The following KAT6B variants were observed in gnomAD, a reference collection of about 807,000 sequenced individuals.
KAT6B encodes histone acetyltransferase KAT6B.
In KAT6B, 10 loss-of-function variants were observed where a neutral mutation model predicts 187.5. That is an observed-to-expected ratio of 0.05 (90% CI 0.03 to 0.09). KAT6B has a LOEUF of 0.09. Ranked by LOEUF, KAT6B falls within the 10% of genes least tolerant of loss-of-function variation. The probability of loss-of-function intolerance (pLI) is 1.00; values close to 1 mark genes in which losing one functional copy is unlikely to be tolerated. For synonymous variants in KAT6B, 861 were observed against 926.8 expected (o/e 0.93, Z 1.29); for missense variants, 1,952 against 2,558.9 (o/e 0.76, Z 5.12).
At chr10:74,964,688 A>G (rs1361677081) in intron 4 of KAT6B, among the ~76,000 whole-genome samples, 1 of 152,128 alleles carries the variant, frequency 6.6e-6, no homozygotes, top group Non-Finnish European at 1.5e-5. Flanking sequence ...CCTCCACCCA[A>G]AACAACAGCC....
At position 74,843,139 on chromosome 10, in the gene KAT6B, G is replaced by T. The variant is rs569038847; in HGVS notation, c.282G>T (p.Gly94=). 6.2e-7 allele frequency: 1 copy of T among 1,614,222 alleles called. No individual in the cohort carries two copies. The highest frequency in any genetic ancestry group is 2.2e-5 in the East Asian group (1 of 44,888). Residue 94 remains glycine, a synonymous_variant, in exon 3 of 18, where the codon GGG becomes GGT. Transcript: ENST00000287239. ...KPGTFPKSAK[G]SRGSCNDLRN... ...GCACTTTTCCTAAGTCAGCCAAGGG[G>T]TCTAGAGGATCATGTAATGATCTCC...
chr10:74,871,415 A>T (rs1336516732), intron 3 of KAT6B, among the ~76,000 whole-genome samples: 1 of 150,606 alleles, frequency 6.6e-6, no homozygotes, highest in African/African-American at 2.4e-5. Context: ...CTGGTCTCGA[A>T]CTCCTGACCT....
intron 3 of KAT6B, among the ~76,000 whole-genome samples, chr10:74,916,044 TC>T (rs1207502377): frequency 6.6e-6 from 1 of 152,112 alleles, no homozygotes; most frequent in Non-Finnish European, 1.5e-5. Context: ...GCACCTGCAA[TC>T]CCAGCTACTC....
intron 3 of KAT6B, among the ~76,000 whole-genome samples, chr10:74,917,275 T>C (rs899943334): frequency 3.3e-5 from 5 of 152,316 alleles, no homozygotes; most frequent in African/African-American, 1.2e-4. Flanking sequence ...TAACCACTTA[T>C]ATAACCATAG....
intron 3 of KAT6B, among the ~76,000 whole-genome samples, chr10:74,852,099 A>G (rs1842518043): frequency 6.6e-6 from 1 of 152,166 alleles, no homozygotes; most frequent in Admixed American, 6.5e-5. Context: ...GCAACTCTGG[A>G]TCTTTTTTGG....
chr10:74,868,268 C>T (rs148524503), intron 3 of KAT6B, among the ~76,000 whole-genome samples: 3 of 152,222 alleles, frequency 2.0e-5, no homozygotes, highest in African/African-American at 7.2e-5. Context: ...GACGGTGTCC[C>T]TGTCTTGCCC....
Position 74,976,219 on chromosome 10 carries a change from A to C in KAT6B, c.1882A>C (p.Lys628Gln). The C allele has an allele frequency of 1.9e-6, 3 of 1,614,194 alleles. No homozygotes were observed. Among genetic ancestry groups the C allele is most frequent in the Non-Finnish European group, 2.5e-6 (3 of 1,180,040 alleles). The change falls in exon 8 of 18, where the codon AAG (lysine) becomes CAG (glutamine). Residue 628 changes from lysine to glutamine, a missense_variant. Physicochemically the swap from Lys to Gln is moderately conservative, Grantham distance 53 (BLOSUM62 1). Transcript: ENST00000287239. ...AHFKRTTFLKKHRMLGRLKYK... is the reference protein window; with the variant it reads ...AHFKRTTFLKQHRMLGRLKYK... The stretch of plus-strand genomic sequence containing the variant: ...CTTCAAGCGAACAACTTTCCTTAAA[A>C]AGCACAGGATGCTAGGCAGATTAAA...
intron 3 of KAT6B, among the ~76,000 whole-genome samples, chr10:74,877,710 A>G (rs1025435731): frequency 6.6e-6 from 1 of 152,236 alleles, no homozygotes; most frequent in African/African-American, 2.4e-5. Context: ...CTAAGGAGAA[A>G]AGAACAAGAT....
intron 3 of KAT6B, among the ~76,000 whole-genome samples, chr10:74,862,955 T>G (rs1183126500): frequency 2.0e-5 from 3 of 152,166 alleles, no homozygotes; most frequent in African/African-American, 7.2e-5. Flanking sequence ...AACGAAGACC[T>G]CCTCTCCTCT....
Position 75,022,108 on chromosome 10 carries a change from GGAGGAAGAAGAGGAA to G in KAT6B, c.3255_3269del (p.Glu1085_Glu1089del), listed in dbSNP as rs778628713. 1.2e-6 allele frequency: 2 copies of G among 1,609,946 alleles called. No homozygotes were observed. Among genetic ancestry groups the G allele is most frequent in the Non-Finnish European group, 1.7e-6 (2 of 1,177,952 alleles). ...AGGAGGACGAGGAGGAGGAAGAAGA[GGAGGAAGAAGAGGAA>G]GAGGATGAAGAGGAGGAAGAAGAGG... On this transcript the variant is annotated inframe_deletion, in exon 16 of 18. Coordinates refer to ENST00000287239, the MANE Select transcript of KAT6B (RefSeq NM_012330.4).
In KAT6B at chr10:75,030,791, C is replaced by T. The variant is rs373882553; in HGVS notation, c.5967C>T (p.Leu1989=). The T allele has an allele frequency of 9.9e-5, 160 of 1,614,112 alleles. No homozygotes were observed. The highest frequency in any genetic ancestry group is 1.3e-4 in the Non-Finnish European group (155 of 1,180,054). ...CTGTGAACATGAACATGAACACTCT[C>T]AACGCCATGAATGGGTACAGCATGT... ...VNSVNMNMNT[L]NAMNGYSMSQ... Residue 1989 remains leucine (L), a synonymous_variant, in exon 18 of 18, where the codon CTC becomes CTT. Transcript: ENST00000287239. This position sits in a 1 kb window ranked among gnomAD's most constrained non-coding sequence, Gnocchi z 4.8.
intron 9 of KAT6B, 59 bp from the exon 10 acceptor site, chr10:74,979,165 G>A: frequency 8.0e-7 from 1 of 1,255,846 alleles, no homozygotes; most frequent in Non-Finnish European, 1.1e-6. Flanking sequence ...ACTGGTGAAA[G>A]AACCAAAATG....
intron 7 of KAT6B, among the ~76,000 whole-genome samples, chr10:74,974,615 G>A (rs1842043228): frequency 6.6e-6 from 1 of 152,148 alleles, no homozygotes. Context: ...TCAACAGTAT[G>A]GGCAGAACCA....
At chr10:74,839,311 A>T (rs1156759195) in intron 2 of KAT6B, among the ~76,000 whole-genome samples, 1 of 150,564 alleles carries the variant, frequency 6.6e-6, no homozygotes, top group Admixed American at 6.6e-5. Flanking sequence ...ACTCACTGCA[A>T]CCTCTGCCTC....
chr10:74,961,566 G>C (rs1841097466), intron 4 of KAT6B, among the ~76,000 whole-genome samples: 1 of 152,110 alleles, frequency 6.6e-6, no homozygotes, highest in Admixed American at 6.6e-5. Flanking sequence ...TAAGAAGTTC[G>C]AGATCATTAT....
chr10:74,955,988 ATCACGAC>A (rs1167305097), intron 3 of KAT6B, among the ~76,000 whole-genome samples: 2 of 152,080 alleles, frequency 1.3e-5, no homozygotes, highest in Non-Finnish European at 2.9e-5. Context: ...CAGTGGTGCA[ATCACGAC>A]TCATTGCAGC....
intron 4 of KAT6B, among the ~76,000 whole-genome samples, chr10:74,965,983 C>A (rs1172069046): frequency 2.6e-5 from 4 of 152,002 alleles, no homozygotes; most frequent in Non-Finnish European, 4.4e-5. Flanking sequence ...GATCCACCCG[C>A]CTTGGCCTCC....
At chr10:74,904,868 A>C (rs1373116617) in intron 3 of KAT6B, among the ~76,000 whole-genome samples, 1 of 152,166 alleles carries the variant, frequency 6.6e-6, no homozygotes, top group African/African-American at 2.4e-5. Flanking sequence ...TTAGTTTCAG[A>C]AGTCTTCACA....
At chr10:74,995,580 T>C (rs1244849847) in intron 13 of KAT6B, among the ~76,000 whole-genome samples, 1 of 152,192 alleles carries the variant, frequency 6.6e-6, no homozygotes, top group African/African-American at 2.4e-5. Context: ...TCTCCTCCTT[T>C]CTAACACAAA....
Sources: allele counts gnomAD v4.1 joint callset (sites outside exome capture counted in the v4.1 genomes callset), GRCh38; gene constraint gnomAD v4.1.1; non-coding constraint Gnocchi (gnomAD v3.1); transcripts MANE v1.5; gene names NCBI Gene and HGNC (gene_info 2026-07-23, HGNC 2026-07-21).